ERG28: variants seen among roughly 807,000 people sequenced by gnomAD.
ERG28 encodes the protein ergosterol biosynthetic protein 28 homolog.
Under a neutral mutation model 15.7 loss-of-function variants are expected in ERG28, and 9 were observed. That is an observed-to-expected ratio of 0.57 (90% confidence interval 0.35 to 1.00). The LOEUF is 1.00. ERG28 is among the 50% of genes least tolerant of loss of function. The pLI, the probability that ERG28 is intolerant of heterozygous loss-of-function variation, is 0.02. For synonymous variants in ERG28, 61 were observed against 68.4 expected, an observed-to-expected ratio of 0.89 and a Z score of 0.53; for missense variants, 117 against 173.3, an observed-to-expected ratio of 0.68 and a Z score of 1.82.
chr14:75,650,179 G>T lies in ERG28; in HGVS notation c.*1376C>A. ...AACAAAAAAATCCCATCTCCTCAGG[G>T]AGGACTTTCTGATGATCTAATTTAA... On this transcript the variant is annotated 3_prime_UTR_variant, in exon 5 of 5. Coordinates refer to ENST00000256319, the MANE Select transcript of ERG28 (RefSeq NM_007176.4). 1 of 152,298 alleles carries T rather than the reference G, an allele frequency of 6.6e-6. No individual in the cohort carries two copies. The allele number at this position is 152,298 out of a possible 1,614,324, so 9.4% of individuals were successfully genotyped here.
chr14:75,655,263 AT>A (rs1162247709), intron 2 of ERG28, among the ~76,000 whole-genome samples: 6 of 152,212 alleles, frequency 3.9e-5, no homozygotes, highest in Admixed American at 1.3e-4. Context: ...AGATATAGTA[AT>A]TTACCCCTTT....
At position 75,650,596 on chromosome 14, in the gene ERG28, T is replaced by C. The variant is rs1594821611; in HGVS notation, c.*959A>G. On this transcript the variant is annotated 3_prime_UTR_variant, in exon 5 of 5. Transcript: ENST00000256319. ...TCATCTATGCTGCCTAGTTCTATTT[T>C]TTTGTCTCTGCTCTCTCAAGAATCT... 6.6e-6 allele frequency: 1 copy of C among 152,374 alleles called. No individual in the cohort carries two copies. Among genetic ancestry groups the C allele is most frequent in the East Asian group, 1.9e-4 (1 of 5,192 alleles). 9.4% of individuals were successfully genotyped at this position (152,374 alleles called of 1,614,324 possible).
intron 1 of ERG28, among the ~76,000 whole-genome samples, chr14:75,660,292 C>T (rs1264574918): frequency 6.6e-6 from 1 of 152,160 alleles, no homozygotes; most frequent in African/African-American, 2.4e-5. Context: ...CATCTATTTC[C>T]AAATTTTGTC....
Position 75,649,890 on chromosome 14 carries a change from G to C in ERG28, c.*1665C>G, listed in dbSNP as rs184882501. On this transcript the variant is annotated 3_prime_UTR_variant, in exon 5 of 5. Transcript: ENST00000256319. ...GCTGCTCCCTCCTTTCTAACGGCCTGCTCCATATCTTAAGACATTTAACTC... is the reference window on the plus strand; with the variant it reads ...GCTGCTCCCTCCTTTCTAACGGCCTCCTCCATATCTTAAGACATTTAACTC... The C allele has an allele frequency of 1.3e-5, 2 of 152,240 alleles. No individual in the cohort carries two copies. The highest frequency in any genetic ancestry group is 4.8e-5 in the African/African-American group (2 of 41,494). 9.4% of individuals were successfully genotyped at this position (152,240 alleles called of 1,614,324 possible). A position where few individuals can be genotyped will look rare whatever the true frequency, so the allele number is the denominator to read the frequency against.
chr14:75,659,353 ATTAT>A (rs377389583), intron 1 of ERG28, among the ~76,000 whole-genome samples: 1,978 of 152,116 alleles, frequency 0.013, 15 homozygotes, highest in South Asian at 0.035. Context: ...TTTTTAATTT[ATTAT>A]TTATTTATTT....
At position 75,657,210 on chromosome 14, in the gene ERG28, C is replaced by G. The variant is rs558142873; in HGVS notation, c.133+160G>C. ...GTGTTTTAGCAACTGGATTCCTGAG[C>G]TCCACCCAGGTTCAATAAATAGGTT... is the stretch of plus-strand genomic sequence containing the variant. On this transcript the variant is annotated intron_variant, in intron 2 of 4. Coordinates refer to ENST00000256319, the MANE Select transcript of ERG28 (RefSeq NM_007176.4). 4.5e-4 allele frequency among the ~76,000 whole-genome samples: 69 copies of G among 152,186 alleles called. 1 individual carries two copies. The highest frequency in any genetic ancestry group is 1.8e-3 in the Admixed American group (28 of 15,288).
chr14:75,656,757 G>A (rs952730740), intron 2 of ERG28, among the ~76,000 whole-genome samples: 10 of 152,180 alleles, frequency 6.6e-5, no homozygotes, highest in African/African-American at 2.4e-4. Context: ...GCCAGGAAAG[G>A]CTGCCATGGG....
chr14:75,657,572 C>T, intron 1 of ERG28, 39 bp from the exon 2 acceptor site: 1 of 1,575,046 alleles, frequency 6.3e-7, no homozygotes, highest in Non-Finnish European at 8.7e-7. Flanking sequence ...CAATGAGGGC[C>T]AGTCTATGTT....
intron 1 of ERG28, among the ~76,000 whole-genome samples, chr14:75,658,706 G>A (rs1033972663): frequency 2.6e-5 from 4 of 152,122 alleles, no homozygotes; most frequent in African/African-American, 9.7e-5. Context: ...GCATGTGTCA[G>A]GACAACCTTC....
rs912888247 is a variant in ERG28, at chr14:75,650,453, C to T, written c.*1102G>A. 2 of 152,226 alleles carry T rather than the reference C, an allele frequency of 1.3e-5. No homozygotes were observed. Among genetic ancestry groups the T allele is most frequent in the African/African-American group, 4.8e-5 (2 of 41,456 alleles). 9.4% of individuals were successfully genotyped at this position (152,226 alleles called of 1,614,324 possible). A position where few individuals can be genotyped will look rare whatever the true frequency, so the allele number is the denominator to read the frequency against. ...ATAGCAATGGCCTTTTGGATACACA[C>T]ACTGTGTATGAGGGTCCAGCTGGGG... On this transcript the variant is annotated 3_prime_UTR_variant, in exon 5 of 5. Coordinates refer to ENST00000256319, the MANE Select transcript of ERG28 (RefSeq NM_007176.4).
At chr14:75,654,646 G>T (rs1890574653) in intron 3 of ERG28, among the ~76,000 whole-genome samples, 1 of 152,206 alleles carries the variant, frequency 6.6e-6, no homozygotes, top group Non-Finnish European at 1.5e-5. Flanking sequence ...GCAGGCCACT[G>T]GATAATGGCC....
rs912705673 is a variant in ERG28, at chr14:75,654,647, G to C, written c.224+239C>G. The stretch of plus-strand genomic sequence containing the variant: ...TGGAGGGGCATGATGCAGGCCACTG[G>C]ATAATGGCCTGCCAGTTTGCTATGT... On this transcript the variant is annotated intron_variant, in intron 3 of 4. Coordinates refer to ENST00000256319, the MANE Select transcript of ERG28 (RefSeq NM_007176.4). Among the ~76,000 whole-genome samples, 4 of 152,208 alleles carry C rather than the reference G, an allele frequency of 2.6e-5. No individual in the cohort carries two copies. In the South Asian group the frequency reaches 8.3e-4, roughly 32 times the overall value.
chr14:75,657,255 C>T, intron 2 of ERG28, 115 bp downstream of exon 2: 1 of 1,300,964 alleles, frequency 7.7e-7, no homozygotes, highest in Non-Finnish European at 1.1e-6. Context: ...AAATGGGTAC[C>T]TGTGTTTGTT....
Position 75,651,610 on chromosome 14 carries a change from A to G in ERG28, c.368T>C (p.Val123Ala). The G allele has an allele frequency of 6.2e-7, 1 of 1,613,784 alleles. No homozygotes were observed. The highest frequency in any genetic ancestry group is 8.5e-7 in the Non-Finnish European group (1 of 1,179,674). Residue 123 changes from valine (V) to alanine (A), a missense_variant, in exon 5 of 5, where the codon GTC (valine) becomes GCC (alanine). Coordinates refer to ENST00000256319, the MANE Select transcript of ERG28 (RefSeq NM_007176.4). ...TTCTACTTCTAGATACCGGAGCCCGACCAGCATACCCAGGATGGAGAAACC... is the reference window on the plus strand; with the variant it reads ...TTCTACTTCTAGATACCGGAGCCCGGCCAGCATACCCAGGATGGAGAAACC... ...VASFSILGML[V>A]GLRYLEVEPV...
chr14:75,659,565 T>TC (rs1714729796), intron 1 of ERG28, among the ~76,000 whole-genome samples: 1 of 69,376 alleles, frequency 1.4e-5, no homozygotes, highest in African/African-American at 1.1e-4. Context: ...CACCCAGCCT[T>TC]TTTTTTTTTT....
Position 75,656,924 on chromosome 14 carries a change from G to A in ERG28, c.133+446C>T, listed in dbSNP as rs186857548. Among the ~76,000 whole-genome samples, 163 of 152,180 alleles carry A rather than the reference G, an allele frequency of 1.1e-3. 4 individuals are homozygous for A. The highest frequency in any genetic ancestry group is 0.011 in the Admixed American group (163 of 15,292). ...AATCATGTAAACCTGATTCTGAAGAGGGCTTTGAGATATATGTAAAGCTTC... is the reference window on the plus strand; with the variant it reads ...AATCATGTAAACCTGATTCTGAAGAAGGCTTTGAGATATATGTAAAGCTTC... On this transcript the variant is annotated intron_variant, in intron 2 of 4. Transcript: ENST00000256319.
Position 75,651,488 on chromosome 14 carries a change from G to A in ERG28, c.*67C>T. 1 of 1,432,434 alleles carries A rather than the reference G, an allele frequency of 7.0e-7. No homozygotes were observed. Among genetic ancestry groups the A allele is most frequent in the Non-Finnish European group, 9.7e-7 (1 of 1,027,274 alleles). 88.7% of individuals were successfully genotyped at this position (1,432,434 alleles called of 1,614,324 possible). ...GGAATAGAAAAGAAATTAAAGAGGA[G>A]AGACGACGAAGGAAGAAGATGGCCA... is the stretch of plus-strand genomic sequence containing the variant. On this transcript the variant is annotated 3_prime_UTR_variant, in exon 5 of 5. Transcript: ENST00000256319.
chr14:75,658,527 C>T (rs1890627970), intron 1 of ERG28, among the ~76,000 whole-genome samples: 1 of 152,142 alleles, frequency 6.6e-6, no homozygotes, highest in South Asian at 2.1e-4. Flanking sequence ...GATAAGACCA[C>T]CAACCGTGGA....
chr14:75,657,726 T>C (rs1194164503), intron 1 of ERG28, among the ~76,000 whole-genome samples, 193 bp from the exon 2 acceptor site: 1 of 152,224 alleles, frequency 6.6e-6, no homozygotes, highest in Non-Finnish European at 1.5e-5. Flanking sequence ...AATATTACCC[T>C]AAATCAGAAC....
Sources: allele counts gnomAD v4.1 joint callset (sites outside exome capture counted in the v4.1 genomes callset), GRCh38; gene constraint gnomAD v4.1.1; transcripts MANE v1.5; gene names NCBI Gene and HGNC (gene_info 2026-07-23, HGNC 2026-07-21).